The following ZNF407 variants were observed in gnomAD, a reference collection of about 807,000 sequenced individuals.
ZNF407 encodes the protein zinc finger protein 407.
Under a neutral mutation model 131.2 loss-of-function variants are expected in ZNF407, and 17 were observed. The ratio of observed to expected loss-of-function variants is 0.13; its 90% CI spans 0.09 to 0.19. ZNF407 has a LOEUF of 0.19. Ranked by LOEUF, ZNF407 falls within the 10% of genes least tolerant of loss-of-function variation. The probability of loss-of-function intolerance (pLI) is 1.00; values close to 1 mark genes in which losing one functional copy is unlikely to be tolerated. For synonymous variants in ZNF407, 1,156 were observed against 1,062.0 expected (o/e 1.09, Z -1.72); for missense variants, 2,681 against 2,830.6 (o/e 0.95, Z 1.20).
At chr18:74,866,404 T>A (rs1971010804) in intron 4 of ZNF407, among the ~76,000 whole-genome samples, 1 of 152,134 alleles carries the variant, frequency 6.6e-6, no homozygotes, top group Admixed American at 6.6e-5. Flanking sequence ...CCTGACATGC[T>A]AGAAGGCCGA....
intron 8 of ZNF407, among the ~76,000 whole-genome samples, chr18:74,995,038 T>A (rs967217653): frequency 2.0e-5 from 3 of 152,236 alleles, no homozygotes; most frequent in African/African-American, 7.2e-5. Context: ...ACTCAATGTA[T>A]GTATTTTCTT....
intron 3 of ZNF407, among the ~76,000 whole-genome samples, chr18:74,656,260 CTGAT>C (rs1280604203): frequency 6.6e-6 from 1 of 151,914 alleles, no homozygotes. Context: ...ATAAAAATAA[CTGAT>C]TTATTTTTCT....
intron 8 of ZNF407, among the ~76,000 whole-genome samples, chr18:75,014,560 G>T (rs1355924905): frequency 6.6e-6 from 1 of 151,978 alleles, no homozygotes; most frequent in Non-Finnish European, 1.5e-5. Context: ...CAGATAAGTG[G>T]TTTTTCTAAT....
In ZNF407 at chr18:74,852,195, ACACGCACG is replaced by A. The variant is rs1281616919; in HGVS notation, c.4878-24992_4878-24985del. Among the ~76,000 whole-genome samples, 158 of 61,964 alleles carry A rather than the reference ACACGCACG, an allele frequency of 2.5e-3. No homozygotes were observed. The Middle Eastern group carries it at 0.032, about 12-fold the overall frequency. 40.7% of individuals were successfully genotyped at this position (61,964 alleles called of 152,430 possible). On this transcript the variant is annotated intron_variant, in intron 4 of 8. Coordinates refer to ENST00000299687, the MANE Select transcript of ZNF407 (RefSeq NM_017757.3). ...CACACACACACACACACACACACAC[ACACGCACG>A]CACGCACGCGCACGCGCGCGCGCAT...
chr18:74,808,559 G>A (rs770877935), intron 4 of ZNF407, among the ~76,000 whole-genome samples: 1 of 152,180 alleles, frequency 6.6e-6, no homozygotes, highest in African/African-American at 2.4e-5. Context: ...ATAAGGGAAA[G>A]TCTAATGGAA....
intron 3 of ZNF407, among the ~76,000 whole-genome samples, chr18:74,660,916 C>T (rs1985685144): frequency 6.6e-6 from 1 of 151,958 alleles, no homozygotes; most frequent in Admixed American, 6.6e-5. Context: ...ACCAATAATG[C>T]ACATTATTTT....
At position 75,063,474 on chromosome 18, in the gene ZNF407, G is replaced by A. The variant is rs935294690; in HGVS notation, c.5753G>A (p.Gly1918Glu). ...CAGGTCATCGCCACGAGTCAGAGCG[G>A]GGCACATGTAGGCAGCGTGGTGCCC... ...DGQVIATSQS[G>E]AHVGSVVPGP... The change falls in exon 9 of 9, where the codon GGG becomes GAG. Residue 1918 changes from glycine (G) to glutamate (E), a missense_variant. By Grantham distance (98) the Gly-to-Glu change is moderately conservative (BLOSUM62 -2). Transcript: ENST00000299687. This position sits in a 1 kb window ranked among gnomAD's most constrained non-coding sequence, Gnocchi z 6.6. 5.6e-6 allele frequency: 9 copies of A among 1,603,616 alleles called. No individual in the cohort carries two copies. The East Asian group carries it at 1.1e-4, about 20-fold the overall frequency.
chr18:74,957,053 A>G (rs576033579), intron 8 of ZNF407, among the ~76,000 whole-genome samples: 123 of 152,270 alleles, frequency 8.1e-4, no homozygotes, highest in African/African-American at 2.8e-3. Flanking sequence ...TTAAAACCAG[A>G]AGAGAGTAAG....
At chr18:75,055,765 C>T (rs928895660) in intron 8 of ZNF407, among the ~76,000 whole-genome samples, 2 of 152,156 alleles carry the variant, frequency 1.3e-5, no homozygotes, top group African/African-American at 4.8e-5. Context: ...TGATCATCTT[C>T]AGTTGCTGCC....
At chr18:75,025,733 C>T (rs1471640709) in intron 8 of ZNF407, among the ~76,000 whole-genome samples, 3 of 152,222 alleles carry the variant, frequency 2.0e-5, no homozygotes, top group Non-Finnish European at 4.4e-5. Flanking sequence ...ACTTGTGGCA[C>T]TTACTCAGAA....
chr18:74,968,604 GC>G (rs1378928786), intron 8 of ZNF407, among the ~76,000 whole-genome samples: 1 of 152,144 alleles, frequency 6.6e-6, no homozygotes, highest in Non-Finnish European at 1.5e-5. Context: ...CTTAGCAGGT[GC>G]CTCTTTCGTC....
chr18:74,973,394 T>A (rs1972494609), intron 8 of ZNF407, among the ~76,000 whole-genome samples: 1 of 152,178 alleles, frequency 6.6e-6, no homozygotes, highest in Non-Finnish European at 1.5e-5. Context: ...TACTAAGTAG[T>A]CGCCTTGAAG....
At chr18:74,857,896 C>A (rs1970881745) in intron 4 of ZNF407, among the ~76,000 whole-genome samples, 1 of 126,208 alleles carries the variant, frequency 7.9e-6, no homozygotes, top group South Asian at 3.2e-4. Flanking sequence ...TTCCTCCCCT[C>A]CCCTCCCCTT....
intron 3 of ZNF407, among the ~76,000 whole-genome samples, chr18:74,678,811 A>G (rs1050462225): frequency 2.0e-5 from 3 of 152,212 alleles, no homozygotes; most frequent in Non-Finnish European, 4.4e-5. Flanking sequence ...GTTAAGTAGA[A>G]TAGAAAGTTA....
chr18:74,716,165 A>G (rs553052200), intron 3 of ZNF407, among the ~76,000 whole-genome samples: 19 of 152,304 alleles, frequency 1.2e-4, no homozygotes, highest in African/African-American at 4.1e-4. Context: ...TTTTAGTTGT[A>G]TCTTGAGAGG....
chr18:74,621,238 C>T (rs1030965921), intron 1 of ZNF407, among the ~76,000 whole-genome samples: 1 of 152,038 alleles, frequency 6.6e-6, no homozygotes, highest in African/African-American at 2.4e-5. Context: ...GGGTATTCAT[C>T]CCCTGAAGCA....
At chr18:74,873,053 T>C (rs1027692697) in intron 4 of ZNF407, among the ~76,000 whole-genome samples, 3 of 152,200 alleles carry the variant, frequency 2.0e-5, no homozygotes, top group African/African-American at 7.2e-5. Flanking sequence ...AATTACACAT[T>C]ATATATTTTG....
intron 8 of ZNF407, among the ~76,000 whole-genome samples, chr18:74,939,144 G>T (rs927850376): frequency 1.3e-5 from 2 of 152,064 alleles, no homozygotes; most frequent in African/African-American, 4.8e-5. Context: ...GATTTCTATT[G>T]CTTGTAATAT....
chr18:74,613,041 G>A (rs977169129), intron 1 of ZNF407, among the ~76,000 whole-genome samples: 25 of 152,122 alleles, frequency 1.6e-4, no homozygotes, highest in African/African-American at 4.8e-4. Flanking sequence ...GCCCTTAAAA[G>A]TATAAGAAGT....
Sources: gnomAD v4.1 joint callset for allele counts (sites outside exome capture counted in the v4.1 genomes callset) on GRCh38, gnomAD v4.1.1 for gene constraint, Gnocchi (gnomAD v3.1) non-coding constraint, MANE v1.5 for transcripts, NCBI Gene and HGNC (gene_info 2026-07-23, HGNC 2026-07-21) for gene names.